The following MCPH1 variants were observed in gnomAD, a reference collection of about 807,000 sequenced individuals.
MCPH1 encodes microcephalin.
Under a neutral mutation model 84.5 loss-of-function variants are expected in MCPH1, and 104 were observed. The observed-to-expected ratio is 1.23, with a 90% CI of 1.05 to 1.45. The LOEUF (loss-of-function observed/expected upper bound fraction) is 1.45, where lower values mean the gene tolerates loss of function less well. Among genes scored for constraint, MCPH1 ranks in the 40% most tolerant of loss-of-function variants. The pLI is 0.00. For missense variants in MCPH1, 1,498 were observed against 1,005.7 expected (o/e 1.49, Z -6.62); for synonymous variants, 514 against 366.8 (o/e 1.40, Z -4.58).
At chr8:6,436,234 G>T in intron 5 of MCPH1, 72 bp downstream of exon 5, 8 of 1,486,516 alleles carry the variant, frequency 5.4e-6, no homozygotes, top group Non-Finnish European at 7.4e-6. Flanking sequence ...ATGATGACTA[G>T]TGGGGTTCAG....
At chr8:6,552,685 A>T (rs570814112) in intron 12 of MCPH1, among the ~76,000 whole-genome samples, 1 of 152,218 alleles carries the variant, frequency 6.6e-6, no homozygotes, top group Non-Finnish European at 1.5e-5. Context: ...TATTTGAAAC[A>T]CATAATAACC....
At chr8:6,429,580 C>A (rs1202975817) in intron 3 of MCPH1, among the ~76,000 whole-genome samples, 1 of 151,700 alleles carries the variant, frequency 6.6e-6, no homozygotes, top group African/African-American at 2.4e-5. Context: ...CTTATCTACT[C>A]TTTATTTTTG....
chr8:6,570,534 G>A (rs887858456), intron 12 of MCPH1, among the ~76,000 whole-genome samples: 5 of 152,120 alleles, frequency 3.3e-5, no homozygotes, highest in Non-Finnish European at 7.4e-5. Context: ...GTTAAAGGAC[G>A]CGGGCCTCCA....
At chr8:6,411,747 A>G (rs1563167015) in intron 2 of MCPH1, among the ~76,000 whole-genome samples, 1 of 152,134 alleles carries the variant, frequency 6.6e-6, no homozygotes, top group South Asian at 2.1e-4. Flanking sequence ...ACTTCATTGT[A>G]TATGTATGTA....
intron 12 of MCPH1, among the ~76,000 whole-genome samples, chr8:6,537,311 C>G (rs1358840824): frequency 1.3e-5 from 2 of 152,068 alleles, no homozygotes; most frequent in African/African-American, 2.4e-5. Context: ...ATTTTGTCCT[C>G]TTCTTGATGG....
At chr8:6,481,416 G>A (rs1550690) in intron 11 of MCPH1, among the ~76,000 whole-genome samples, 2 of 151,890 alleles carry the variant, frequency 1.3e-5, no homozygotes, top group Admixed American at 6.6e-5. Flanking sequence ...AATTATTTTC[G>A]TTATTCATAA....
At chr8:6,630,524 G>A (rs181500223) in intron 13 of MCPH1, among the ~76,000 whole-genome samples, 72 of 152,314 alleles carry the variant, frequency 4.7e-4, no homozygotes, top group African/African-American at 1.7e-3. Flanking sequence ...GCTCACGCCT[G>A]TAATCCCAAC....
chr8:6,439,957 G>A (rs1318428119), intron 6 of MCPH1, among the ~76,000 whole-genome samples: 1 of 152,120 alleles, frequency 6.6e-6, no homozygotes, highest in African/African-American at 2.4e-5. Context: ...AGATATCTGT[G>A]TATACATGAA....
intron 12 of MCPH1, among the ~76,000 whole-genome samples, chr8:6,571,944 T>C (rs1364376109): frequency 6.6e-6 from 1 of 152,196 alleles, no homozygotes; most frequent in African/African-American, 2.4e-5. Context: ...CTGATGATGG[T>C]TCAAGTCTTT....
chr8:6,500,236 G>T, intron 12 of MCPH1: 1 of 369,942 alleles, frequency 2.7e-6, no homozygotes. Context: ...CTTATATCTT[G>T]CTTAATGTTT....
chr8:6,623,688 CAAAAAAAA>C (rs377522481), intron 13 of MCPH1, among the ~76,000 whole-genome samples: 1,012 of 92,386 alleles, frequency 0.011, 31 homozygotes, highest in African/African-American at 0.043. Flanking sequence ...AACCAACTTC[CAAAAAAAA>C]AAAAAAAAAA....
intron 11 of MCPH1, among the ~76,000 whole-genome samples, chr8:6,486,597 T>C (rs1019448314): frequency 1.3e-5 from 2 of 152,216 alleles, no homozygotes; most frequent in African/African-American, 4.8e-5. Flanking sequence ...TTGAGAAGTT[T>C]ATTGGCAATT....
At chr8:6,468,698 T>C (rs1245340331) in intron 9 of MCPH1, among the ~76,000 whole-genome samples, 1 of 151,228 alleles carries the variant, frequency 6.6e-6, no homozygotes, top group Admixed American at 6.6e-5. Flanking sequence ...TCCAAGACAG[T>C]AAGTATTGAA....
At position 6,410,861 on chromosome 8, in the gene MCPH1, A is replaced by C. The variant is rs146126243; in HGVS notation, c.114+1491A>C. On this transcript the variant is annotated intron_variant, in intron 2 of 13. Coordinates refer to ENST00000344683, the MANE Select transcript of MCPH1 (RefSeq NM_024596.5). ...ACAGGCATTATTAGGAGGCCAAGGC[A>C]GGCGGATCACCTGAGGTCAGGAGTT... 2.5e-3 allele frequency among the ~76,000 whole-genome samples: 373 copies of C among 152,240 alleles called. 1 individual carries two copies. Among genetic ancestry groups the C allele is most frequent in the Non-Finnish European group, 4.3e-3 (292 of 67,994 alleles).
chr8:6,569,616 A>C (rs1237287172), intron 12 of MCPH1, among the ~76,000 whole-genome samples: 6 of 152,218 alleles, frequency 3.9e-5, no homozygotes, highest in African/African-American at 1.4e-4. Context: ...CAGACAAGGA[A>C]ATCAAGGCTC....
intron 12 of MCPH1, among the ~76,000 whole-genome samples, chr8:6,533,406 T>C (rs1410999648): frequency 6.6e-6 from 1 of 152,142 alleles, no homozygotes; most frequent in African/African-American, 2.4e-5. Context: ...CCCTCTGCTT[T>C]ATAGTCTTGG....
intron 9 of MCPH1, among the ~76,000 whole-genome samples, chr8:6,467,978 C>G (rs12545613): frequency 6.6e-6 from 1 of 152,076 alleles, no homozygotes; most frequent in African/African-American, 2.4e-5. Context: ...GCCAGGAAAT[C>G]CATGAATTTG....
intron 9 of MCPH1, among the ~76,000 whole-genome samples, chr8:6,469,371 C>G (rs1214591108): frequency 6.6e-6 from 1 of 152,184 alleles, no homozygotes; most frequent in Admixed American, 6.5e-5. Flanking sequence ...CAGACTGAGT[C>G]TTTCTGAAGG....
chr8:6,492,549 A>T (rs1162222516), intron 11 of MCPH1, among the ~76,000 whole-genome samples: 1 of 151,698 alleles, frequency 6.6e-6, no homozygotes, highest in East Asian at 1.9e-4. Flanking sequence ...GTCCTTGTCC[A>T]TGCCTGTGTC....
Sources: gnomAD v4.1 joint callset for allele counts (sites outside exome capture counted in the v4.1 genomes callset) on GRCh38, gnomAD v4.1.1 for gene constraint, MANE v1.5 for transcripts, NCBI Gene and HGNC (gene_info 2026-07-23, HGNC 2026-07-21) for gene names.